Variants in ZKSCAN2 observed in about 807,000 individuals in gnomAD.
ZKSCAN2 encodes the protein zinc finger with KRAB and SCAN domains 2.
In ZKSCAN2, 38 loss-of-function variants were observed where a neutral mutation model predicts 90.5. The observed-to-expected ratio is 0.42, with a 90% confidence interval of 0.32 to 0.55. ZKSCAN2 has a LOEUF of 0.55. ZKSCAN2 is among the 20% of genes least tolerant of loss of function. The pLI is 0.11. For missense variants in ZKSCAN2, 1,167 were observed against 1,202.6 expected, an observed-to-expected ratio of 0.97 and a Z score of 0.44; for synonymous variants, 429 against 421.6, an observed-to-expected ratio of 1.02 and a Z score of -0.22.
At chr16:25,243,103 C>T (rs1183055452) in intron 6 of ZKSCAN2, among the ~76,000 whole-genome samples, 1 of 152,172 alleles carries the variant, frequency 6.6e-6, no homozygotes, top group Non-Finnish European at 1.5e-5. Context: ...TCTTTTTTGT[C>T]TTGCACACCC....
rs1203400216 is a variant in ZKSCAN2 at position 25,238,839 on chromosome 16, A to T, written c.*977T>A. 6.6e-6 allele frequency: 1 copy of T among 152,132 alleles called. No individual in the cohort carries two copies. Among genetic ancestry groups the T allele is most frequent in the African/African-American group, 2.4e-5 (1 of 41,364 alleles). 9.4% of individuals were successfully genotyped at this position (152,132 alleles called of 1,614,324 possible). A position where few individuals can be genotyped will look rare whatever the true frequency, so the allele number is the denominator to read the frequency against. On this transcript the variant is annotated 3_prime_UTR_variant, in exon 7 of 7. Transcript: ENST00000328086. ...TTAAAGTTTTAGAAACACTATTATAATATTATACTGCAGTGCAGGGGTGGG... is the reference window on the plus strand; with the variant it reads ...TTAAAGTTTTAGAAACACTATTATATTATTATACTGCAGTGCAGGGGTGGG...
At chr16:25,245,904 A>G (rs1177417867) in intron 5 of ZKSCAN2, among the ~76,000 whole-genome samples, 1 of 152,220 alleles carries the variant, frequency 6.6e-6, no homozygotes, top group African/African-American at 2.4e-5. Flanking sequence ...ATTTAACACT[A>G]ATAACAACCC....
At position 25,246,865 on chromosome 16, in the gene ZKSCAN2, A is replaced by G; in HGVS notation, c.1331T>C (p.Val444Ala). ...STDKPKEMIPVPRLKRIAISA... is the reference protein window; with the variant it reads ...STDKPKEMIPAPRLKRIAISA... ...GATGGCAATTCTCTTCAGTCTGGGG[A>G]CAGGTATCATCTCCTTTGGTTTATC... The change falls in exon 5 of 7, where the codon GTC (valine) becomes GCC (alanine). Residue 444 changes from valine (V) to alanine (A), a missense_variant. Physicochemically the swap from Val to Ala is moderately conservative, Grantham distance 64. Transcript: ENST00000328086. The G allele has an allele frequency of 6.2e-7, 1 of 1,614,122 alleles. No individual in the cohort carries two copies. The highest frequency in any genetic ancestry group is 1.3e-5 in the African/African-American group (1 of 75,014).
At chr16:25,246,654 C>G in intron 5 of ZKSCAN2, 53 bp downstream of exon 5, 1 of 1,599,868 alleles carries the variant, frequency 6.3e-7, no homozygotes, top group South Asian at 1.1e-5. Context: ...ACTCCTTTTT[C>G]CACAAGATCA....
intron 6 of ZKSCAN2, among the ~76,000 whole-genome samples, chr16:25,241,030 C>G (rs1309083139): frequency 6.6e-6 from 1 of 152,208 alleles, no homozygotes; most frequent in Admixed American, 6.5e-5. Flanking sequence ...AGGTTCCACT[C>G]TAATTCATCC....
At position 25,240,636 on chromosome 16, in the gene ZKSCAN2, G is replaced by A; in HGVS notation, c.2084C>T (p.Ser695Phe). The change falls in exon 7 of 7, where the codon TCC becomes TTC. Residue 695 changes from serine (S) to phenylalanine (F), a missense_variant. Ser to Phe is a radical substitution (Grantham distance 155). Coordinates refer to ENST00000328086, the MANE Select transcript of ZKSCAN2 (RefSeq NM_001012981.5). ...ATATTTGCTGGGGTCGGTACTCTGG[G>A]AAACAACTCTTTTAGACTTTTCTAT... is the stretch of plus-strand genomic sequence containing the variant. ...ALIEKSKRVVSQSTDPSKYRK... is the reference protein window; with the variant it reads ...ALIEKSKRVVFQSTDPSKYRK... 1 of 1,614,142 alleles carries A rather than the reference G, an allele frequency of 6.2e-7. No homozygotes were observed. Among genetic ancestry groups the A allele is most frequent in the Middle Eastern group, 1.6e-4 (1 of 6,062 alleles).
chr16:25,242,642 G>A (rs554392470), intron 6 of ZKSCAN2, among the ~76,000 whole-genome samples: 8 of 152,332 alleles, frequency 5.3e-5, no homozygotes, highest in Admixed American at 2.6e-4. Flanking sequence ...AACATCGCAA[G>A]CTAAAGTTTG....
At chr16:25,256,638 A>T in intron 1 of ZKSCAN2, 91 bp downstream of exon 1, 1 of 1,413,058 alleles carries the variant, frequency 7.1e-7, no homozygotes, top group South Asian at 1.4e-5. Context: ...TCTTTCTCTG[A>T]AGAGCACGTC....
Position 25,257,532 on chromosome 16 carries a change from G to A in ZKSCAN2, c.-405C>T. The A allele has an allele frequency of 1.0e-6, 1 of 989,202 alleles. No homozygotes were observed. The highest frequency in any genetic ancestry group is 1.2e-6 in the Non-Finnish European group (1 of 832,658). The allele number at this position is 989,202 out of a possible 1,614,324, so 61.3% of individuals were successfully genotyped here. ...TCCCGGGTCGGGCGCGGAGAGGCGA[G>A]TCCCCGAGTGGGTGGGGCCGGATGT... On this transcript the variant is annotated 5_prime_UTR_variant, in exon 1 of 7. Transcript: ENST00000328086.
intron 6 of ZKSCAN2, among the ~76,000 whole-genome samples, chr16:25,243,140 T>G (rs1179148929): frequency 6.6e-6 from 1 of 152,246 alleles, no homozygotes; most frequent in African/African-American, 2.4e-5. Flanking sequence ...ATTCTTCTTT[T>G]GTGCTTACTG....
chr16:25,246,210 G>C (rs1962931405), intron 5 of ZKSCAN2: 1 of 153,558 alleles, frequency 6.5e-6, no homozygotes, highest in African/African-American at 2.4e-5. Context: ...TTTTCCATCT[G>C]ACTCATCTAT....
chr16:25,252,451 GA>G (rs1963035492), intron 3 of ZKSCAN2, among the ~76,000 whole-genome samples: 1 of 151,932 alleles, frequency 6.6e-6, no homozygotes, highest in South Asian at 2.1e-4. Flanking sequence ...GGAATAGGGG[GA>G]AATATACTTT....
chr16:25,249,817 A>G (rs565670447), intron 4 of ZKSCAN2, among the ~76,000 whole-genome samples: 1 of 152,332 alleles, frequency 6.6e-6, no homozygotes, highest in South Asian at 2.1e-4. Flanking sequence ...GAACTACAAT[A>G]TGATCCAGCA....
In ZKSCAN2 at chr16:25,238,554, CTGGAT is replaced by C. The variant is rs2141356056; in HGVS notation, c.*1257_*1261del. On this transcript the variant is annotated 3_prime_UTR_variant, in exon 7 of 7. Coordinates refer to ENST00000328086, the MANE Select transcript of ZKSCAN2 (RefSeq NM_001012981.5). ...AAAACAAAAACGGTGTTCTGGATTT[CTGGAT>C]TGAAGTTTTTATAAATGTTCCCACT... is the stretch of plus-strand genomic sequence containing the variant. 6.6e-6 allele frequency: 1 copy of C among 152,308 alleles called. No individual in the cohort carries two copies. The highest frequency in any genetic ancestry group is 2.1e-4 in the South Asian group (1 of 4,828). 9.4% of individuals were successfully genotyped at this position (152,308 alleles called of 1,614,324 possible).
chr16:25,248,282 C>CAAAA (rs55673563), intron 4 of ZKSCAN2, among the ~76,000 whole-genome samples: 39 of 23,172 alleles, frequency 1.7e-3, no homozygotes, highest in Non-Finnish European at 2.6e-3. Flanking sequence ...TTCTATACAG[C>CAAAA]AAAAAAAAAA....
At chr16:25,246,253 T>C (rs2141363781) in intron 5 of ZKSCAN2, 1 of 156,472 alleles carries the variant, frequency 6.4e-6, no homozygotes, top group East Asian at 1.9e-4. Flanking sequence ...TTGTCTTCTT[T>C]TAGATTACAC....
In ZKSCAN2 at chr16:25,257,028, T is replaced by C. The variant is rs755271057; in HGVS notation, c.100A>G (p.Ile34Val). The stretch of plus-strand genomic sequence containing the variant: ...TCAGAGCTATCCGATCCTTCCAGAA[T>C]GGGCTCTGATGCCCACTCAGGGTCC... Reference protein sequence around the residue: ...EKDPEWASEPILEGSDSSETF... With the variant: ...EKDPEWASEPVLEGSDSSETF... Residue 34 changes from isoleucine to valine, a missense_variant, in exon 1 of 7, where the codon ATT becomes GTT. Physicochemically the swap from Ile to Val is conservative, Grantham distance 29. Transcript: ENST00000328086. 2 of 1,614,196 alleles carry C rather than the reference T, an allele frequency of 1.2e-6. No individual in the cohort carries two copies. The highest frequency in any genetic ancestry group is 2.7e-5 in the African/African-American group (2 of 75,058).
At chr16:25,254,339 G>T (rs1043826848) in intron 2 of ZKSCAN2, among the ~76,000 whole-genome samples, 10 of 152,234 alleles carry the variant, frequency 6.6e-5, no homozygotes, top group Admixed American at 2.0e-4. Flanking sequence ...GAAGGACAGG[G>T]TATTCATTTC....
In ZKSCAN2 at chr16:25,257,447, A is replaced by T. The variant is rs1450621784; in HGVS notation, c.-320T>A. 1 of 1,056,258 alleles carries T rather than the reference A, an allele frequency of 9.5e-7. No homozygotes were observed. Among genetic ancestry groups the T allele is most frequent in the African/African-American group, 1.7e-5 (1 of 59,770 alleles). 65.4% of individuals were successfully genotyped at this position (1,056,258 alleles called of 1,614,324 possible). Reference sequence around the variant, plus strand: ...TGGACGACTGGGAGAAAAATGAAGCAGGCTGAGGAAAGGCTGGGCGGAGGC... The same window carrying T: ...TGGACGACTGGGAGAAAAATGAAGCTGGCTGAGGAAAGGCTGGGCGGAGGC... On this transcript the variant is annotated 5_prime_UTR_variant, in exon 1 of 7. Coordinates refer to ENST00000328086, the MANE Select transcript of ZKSCAN2 (RefSeq NM_001012981.5).
Sources: allele counts gnomAD v4.1 joint callset (sites outside exome capture counted in the v4.1 genomes callset), GRCh38; gene constraint gnomAD v4.1.1; transcripts MANE v1.5; gene names NCBI Gene and HGNC (gene_info 2026-07-23, HGNC 2026-07-21).